KMT2C: variants seen among roughly 807,000 people sequenced by gnomAD.
KMT2C encodes lysine methyltransferase 2C, also known as histone-lysine N-methyltransferase 2C.
A neutral mutation model predicts 507.9 loss-of-function variants in KMT2C; 88 were observed. The observed-to-expected ratio is 0.17, with a 90% CI of 0.15 to 0.21. KMT2C has a LOEUF of 0.21. Among genes scored for constraint, KMT2C ranks in the 10% least tolerant of loss-of-function variants. The probability of loss-of-function intolerance (pLI) is 1.00; values close to 1 mark genes in which losing one functional copy is unlikely to be tolerated. For synonymous variants in KMT2C, 2,049 were observed against 2,080.8 expected (o/e 0.98, Z 0.42); for missense variants, 4,954 against 5,957.8 (o/e 0.83, Z 5.55).
intron 23 of KMT2C, chr7:152,220,286 T>C (rs2094725796): frequency 3.9e-6 from 2 of 511,170 alleles, no homozygotes; most frequent in South Asian, 2.4e-5. Context: ...TTCAAAGATA[T>C]GGTGCTCCTT....
chr7:152,225,362 A>G (rs2094895019), intron 18 of KMT2C, among the ~76,000 whole-genome samples: 1 of 152,202 alleles, frequency 6.6e-6, no homozygotes, highest in South Asian at 2.1e-4. Flanking sequence ...GAAAGCCTAA[A>G]AGCTACCAGA....
At chr7:152,305,812 T>C (rs1374268799) in intron 6 of KMT2C, among the ~76,000 whole-genome samples, 1 of 152,202 alleles carries the variant, frequency 6.6e-6, no homozygotes, top group Non-Finnish European at 1.5e-5. Flanking sequence ...CAAGATGATC[T>C]AGGCTTACCT....
chr7:152,220,704 C>T lies in KMT2C; in HGVS notation c.3531G>A (p.Val1177=). The T allele has an allele frequency of 1.9e-6, 3 of 1,610,676 alleles. No individual in the cohort carries two copies. Among genetic ancestry groups the T allele is most frequent in the South Asian group, 2.2e-5 (2 of 90,956 alleles). Reference sequence around the variant, plus strand: ...GAGTCATCCCTGATTCAGTCAAACACACACCATCCTGGGTATAAGTCTTGG... The same window carrying T: ...GAGTCATCCCTGATTCAGTCAAACATACACCATCCTGGGTATAAGTCTTGG... ...DPPKTYTQDG[V]CLTESGMTQL... The change falls in exon 23 of 59, where the codon GTG becomes GTA. Residue 1177 remains valine (V), a synonymous_variant. Transcript: ENST00000262189.
At chr7:152,395,933 G>A (rs781261423) in intron 1 of KMT2C, among the ~76,000 whole-genome samples, 63 of 152,298 alleles carry the variant, frequency 4.1e-4, no homozygotes, top group Non-Finnish European at 7.9e-4. Context: ...CTGATAAAGT[G>A]CTTCCTCTTG....
At position 152,196,001 on chromosome 7, in the gene KMT2C, A is replaced by T; in HGVS notation, c.4284T>A (p.Asp1428Glu). The T allele has an allele frequency of 1.3e-6, 2 of 1,586,842 alleles. No homozygotes were observed. The highest frequency in any genetic ancestry group is 1.3e-5 in the African/African-American group (1 of 74,176). ...PTKSGTHGPA[D>E]DPLADISEVL... ...CTTCAGAAATATCAGCTAATGGGTC[A>T]TCAGCAGGACCTAAATATAGTAAAT... The change falls in exon 28 of 59, where the codon GAT (aspartate) becomes GAA (glutamate). Residue 1428 changes from aspartate (D) to glutamate (E), a missense_variant. Around this residue, in one of 29 missense-constraint regions of KMT2C, gnomAD observed 140 missense variants for 118.4 expected, o/e 1.18. Transcript: ENST00000262189.
At chr7:152,290,288 A>T (rs1317362017) in intron 6 of KMT2C, among the ~76,000 whole-genome samples, 4 of 31,962 alleles carry the variant, frequency 1.3e-4, no homozygotes, top group East Asian at 1.7e-3. Context: ...ATATATATAT[A>T]TATATATTTT....
intron 23 of KMT2C, among the ~76,000 whole-genome samples, chr7:152,215,446 G>A (rs1480730554): frequency 8.1e-5 from 12 of 148,480 alleles, no homozygotes; most frequent in African/African-American, 2.0e-4. Flanking sequence ...CCCAGGAGGC[G>A]GAGCTTGCAG....
rs766518165 is a variant in KMT2C at position 152,215,688 on chromosome 7, T to TATATATATATATATATATATATATAC, written c.3712+4834_3712+4835insGTATATATATATATATATATATATAT. 1.8e-4 allele frequency among the ~76,000 whole-genome samples: 24 copies of TATATATATATATATATATATATATAC among 134,428 alleles called. 2 individuals carry two copies. Among genetic ancestry groups the TATATATATATATATATATATATATAC allele is most frequent in the African/African-American group, 7.4e-4 (22 of 29,598 alleles). 88.2% of individuals were successfully genotyped at this position (134,428 alleles called of 152,430 possible). On this transcript the variant is annotated intron_variant, in intron 23 of 58. Transcript: ENST00000262189. The stretch of plus-strand genomic sequence containing the variant: ...ACAAAAGGAACAAAATATATATATA[T>TATATATATATATATATATATATATAC]ACACACACACATACACACACAAAAT...
intron 2 of KMT2C, among the ~76,000 whole-genome samples, chr7:152,351,185 A>G (rs2097107841): frequency 6.6e-6 from 1 of 152,178 alleles, no homozygotes; most frequent in African/African-American, 2.4e-5. Context: ...AAAGGGGTAC[A>G]CTCCAAAATA....
intron 1 of KMT2C, among the ~76,000 whole-genome samples, chr7:152,375,322 G>A (rs556103821): frequency 2.0e-5 from 3 of 150,312 alleles, no homozygotes; most frequent in South Asian, 2.1e-4. Context: ...GATTACAGGC[G>A]TAAGCCACCA....
intron 1 of KMT2C, among the ~76,000 whole-genome samples, chr7:152,363,973 C>T (rs879672613): frequency 2.0e-5 from 3 of 152,148 alleles, no homozygotes; most frequent in African/African-American, 4.8e-5. Flanking sequence ...AGTGGCAAGA[C>T]CTCAATGACT....
chr7:152,263,359 AT>A (rs2095811349), intron 8 of KMT2C, among the ~76,000 whole-genome samples: 1 of 151,860 alleles, frequency 6.6e-6, no homozygotes, highest in Non-Finnish European at 1.5e-5. Context: ...CCATTTTAGG[AT>A]TCCTGCAAAG....
At chr7:152,219,130 C>T (rs532559257) in intron 23 of KMT2C, among the ~76,000 whole-genome samples, 9 of 151,966 alleles carry the variant, frequency 5.9e-5, no homozygotes, top group Non-Finnish European at 7.4e-5. Context: ...CCACTGAGCC[C>T]GGCTAATTTT....
intron 3 of KMT2C, among the ~76,000 whole-genome samples, chr7:152,321,099 T>C (rs1400878537): frequency 6.6e-6 from 1 of 151,904 alleles, no homozygotes; most frequent in East Asian, 1.9e-4. Flanking sequence ...CTGGGTATGG[T>C]GGCACACGCC....
intron 3 of KMT2C, among the ~76,000 whole-genome samples, chr7:152,319,384 G>T (rs1195214306): frequency 6.6e-6 from 1 of 152,128 alleles, no homozygotes; most frequent in African/African-American, 2.4e-5. Flanking sequence ...GAGCTGAGGG[G>T]ACATAGTGAG....
chr7:152,288,759 T>C (rs1273663650), intron 6 of KMT2C, among the ~76,000 whole-genome samples: 3 of 151,598 alleles, frequency 2.0e-5, no homozygotes, highest in African/African-American at 7.3e-5. Context: ...TGAAAACTAA[T>C]GACTAAACTA....
chr7:152,342,951 T>G (rs996357414), intron 2 of KMT2C, among the ~76,000 whole-genome samples: 4 of 152,086 alleles, frequency 2.6e-5, no homozygotes, highest in African/African-American at 9.7e-5. Context: ...CTGCCCCACC[T>G]AAAAGCAGTG....
chr7:152,144,954 C>G lies in KMT2C; in HGVS notation c.14175-73G>C, dbSNP rs2129093029. 1 of 1,475,298 alleles carries G rather than the reference C, an allele frequency of 6.8e-7. No individual in the cohort carries two copies. The highest frequency in any genetic ancestry group is 9.2e-7 in the Non-Finnish European group (1 of 1,091,820). The allele number at this position is 1,475,298 out of a possible 1,614,324, so 91.4% of individuals were successfully genotyped here. On this transcript the variant is annotated intron_variant, in intron 54 of 58. Coordinates refer to ENST00000262189, the MANE Select transcript of KMT2C (RefSeq NM_170606.3). The surrounding 1 kb of genome is among the most constrained non-coding windows in gnomAD (Gnocchi z 4.4). ...AGATACCTCTGAGTAATGCCCAAAACCAGGTTAATTCAGATTCTTACTGAC... is the reference window on the plus strand; with the variant it reads ...AGATACCTCTGAGTAATGCCCAAAAGCAGGTTAATTCAGATTCTTACTGAC...
At chr7:152,409,096 G>T (rs62494134) in intron 1 of KMT2C, among the ~76,000 whole-genome samples, 2 of 149,482 alleles carry the variant, frequency 1.3e-5, no homozygotes, top group African/African-American at 4.9e-5. Flanking sequence ...CTTGACCTCC[G>T]GAGCTCAACC....
Sources: gnomAD v4.1 joint callset for allele counts (sites outside exome capture counted in the v4.1 genomes callset) on GRCh38, gnomAD v4.1.1 for gene constraint, gnomAD v4.1.1 regional missense constraint, Gnocchi (gnomAD v3.1) non-coding constraint, MANE v1.5 for transcripts, NCBI Gene and HGNC (gene_info 2026-07-23, HGNC 2026-07-21) for gene names.